OPCML: variants seen among roughly 807,000 people sequenced by gnomAD.
OPCML encodes the protein opioid binding protein/cell adhesion molecule like.
Under a neutral mutation model 37.8 loss-of-function variants are expected in OPCML, and 13 were observed. The ratio of observed to expected loss-of-function variants is 0.34; its 90% CI spans 0.22 to 0.55. The LOEUF (loss-of-function observed/expected upper bound fraction) is 0.55, where lower values mean the gene tolerates loss of function less well. OPCML is among the 20% of genes least tolerant of loss of function. The pLI is 0.91. For missense variants in OPCML, 341 were observed against 435.6 expected, an observed-to-expected ratio of 0.78 and a Z score of 1.93; for synonymous variants, 176 against 168.8, an observed-to-expected ratio of 1.04 and a Z score of -0.33.
Position 132,755,763 on chromosome 11 carries a change from C to A in OPCML, c.147-98444G>T, listed in dbSNP as rs533437377. Among the ~76,000 whole-genome samples the A allele has an allele frequency of 2.2e-4, 34 of 152,174 alleles. 1 individual carries two copies. Among genetic ancestry groups the A allele is most frequent in the Admixed American group, 2.2e-3 (34 of 15,272 alleles). ...ATGTCACCATTTTATAAGTCCTTTA[C>A]AGTCAAAATAAAGCCACAACCACCA... On this transcript the variant is annotated intron_variant, in intron 2 of 7. Coordinates refer to ENST00000524381, the MANE Select transcript of OPCML (RefSeq NM_001012393.5).
Position 133,094,585 on chromosome 11 carries a change from T to A in OPCML, c.62-151575A>T, listed in dbSNP as rs200158078. On this transcript the variant is annotated intron_variant, in intron 1 of 7. Coordinates refer to ENST00000524381, the MANE Select transcript of OPCML (RefSeq NM_001012393.5). The stretch of plus-strand genomic sequence containing the variant: ...AGCATTTTTTAGTTGTTTATCTTGT[T>A]AGTAGACTATATTCTGCAGCTTCTA... Among the ~76,000 whole-genome samples the A allele has an allele frequency of 9.8e-5, 15 of 152,340 alleles. No individual in the cohort carries two copies. In the East Asian group the frequency reaches 2.9e-3, roughly 29 times the overall value.
intron 3 of OPCML, among the ~76,000 whole-genome samples, chr11:132,645,906 A>G (rs1941125122): frequency 6.6e-6 from 1 of 152,256 alleles, no homozygotes; most frequent in South Asian, 2.1e-4. Context: ...TCTATTGGAC[A>G]GTACTGCTTT....
chr11:132,505,540 A>G (rs2096254864), intron 4 of OPCML, among the ~76,000 whole-genome samples: 1 of 152,242 alleles, frequency 6.6e-6, no homozygotes, highest in Non-Finnish European at 1.5e-5. Flanking sequence ...AGAATGACAT[A>G]GACCAGAGCC....
rs145113737 is a variant in OPCML, at chr11:133,166,903, C to T, written c.62-223893G>A. ...GATCACTGCCCTTGCATGGCTTGCA[C>T]GCTATCTAGAAGAAAAGTGTGTGAT... On this transcript the variant is annotated intron_variant, in intron 1 of 7. Coordinates refer to ENST00000524381, the MANE Select transcript of OPCML (RefSeq NM_001012393.5). Among the ~76,000 whole-genome samples the T allele has an allele frequency of 5.9e-3, 906 of 152,306 alleles. 7 individuals are homozygous for T. The highest frequency in any genetic ancestry group is 0.014 in the Middle Eastern group (4 of 294).
chr11:133,161,949 C>T (rs916703691), intron 1 of OPCML, among the ~76,000 whole-genome samples: 12 of 146,996 alleles, frequency 8.2e-5, no homozygotes, highest in African/African-American at 3.0e-4. Context: ...TCAGGGATAA[C>T]CACAACAAGT....
chr11:132,986,166 C>T (rs369010353), intron 1 of OPCML, among the ~76,000 whole-genome samples: 3 of 152,130 alleles, frequency 2.0e-5, no homozygotes, highest in African/African-American at 7.2e-5. Flanking sequence ...AACCTCCAGT[C>T]TTCCCATAGC....
chr11:132,940,417 C>T (rs186453662), intron 2 of OPCML, among the ~76,000 whole-genome samples: 21 of 152,284 alleles, frequency 1.4e-4, no homozygotes, highest in Admixed American at 5.9e-4. Flanking sequence ...ACATGTGATG[C>T]GCTTGGAACA....
intron 1 of OPCML, among the ~76,000 whole-genome samples, chr11:133,495,733 C>T (rs1415473691): frequency 6.6e-6 from 1 of 151,650 alleles, no homozygotes; most frequent in Non-Finnish European, 1.5e-5. Flanking sequence ...TATCCTTAAC[C>T]CACCTTTTGA....
chr11:133,464,565 T>C (rs371987175), intron 1 of OPCML, among the ~76,000 whole-genome samples: 2 of 151,950 alleles, frequency 1.3e-5, no homozygotes, highest in Non-Finnish European at 2.9e-5. Flanking sequence ...TCTTTGGAAA[T>C]GGAGGAGGAA....
Position 133,483,309 on chromosome 11 carries a change from G to GATA in OPCML, c.61+48954_61+48955insTAT, listed in dbSNP as rs530820391. On this transcript the variant is annotated intron_variant, in intron 1 of 7. Coordinates refer to ENST00000524381, the MANE Select transcript of OPCML (RefSeq NM_001012393.5). ...AAATGCGCACTAGAGCTGATAGATA[G>GATA]GCAGATAGATAGATAGATAGATAGA... Among the ~76,000 whole-genome samples the GATA allele has an allele frequency of 2.4e-3, 353 of 145,514 alleles. 2 individuals carry two copies. The highest frequency in any genetic ancestry group is 7.6e-3 in the African/African-American group (283 of 37,008).
At chr11:133,287,822 G>A (rs1942347867) in intron 1 of OPCML, among the ~76,000 whole-genome samples, 2 of 152,196 alleles carry the variant, frequency 1.3e-5, no homozygotes, top group South Asian at 2.1e-4. Context: ...AACTGGAGAA[G>A]GAGGAAACTG....
At chr11:133,348,182 T>C (rs1367967104) in intron 1 of OPCML, among the ~76,000 whole-genome samples, 2 of 152,228 alleles carry the variant, frequency 1.3e-5, no homozygotes, top group East Asian at 3.8e-4. Context: ...GTGTGCTCAA[T>C]GACCATTCAC....
intron 1 of OPCML, among the ~76,000 whole-genome samples, chr11:133,458,357 TATATATATACACATATATACAC>T (rs1194514665): frequency 2.2e-4 from 2 of 9,072 alleles, no homozygotes; most frequent in Non-Finnish European, 3.2e-4. Context: ...CACGTGTGTG[TATATATATACACATATATACAC>T]GTGTGTGTAT....
At chr11:132,944,040 C>T (rs950148638) in intron 1 of OPCML, among the ~76,000 whole-genome samples, 2 of 151,834 alleles carry the variant, frequency 1.3e-5, no homozygotes, top group Non-Finnish European at 2.9e-5. Flanking sequence ...TCCCGACGGG[C>T]GGGCGCCCAC....
At chr11:132,956,236 A>C (rs1248734641) in intron 1 of OPCML, among the ~76,000 whole-genome samples, 2 of 152,182 alleles carry the variant, frequency 1.3e-5, no homozygotes, top group Non-Finnish European at 2.9e-5. Context: ...ACATGGCAAG[A>C]AGTTAATCAC....
At chr11:132,738,747 T>C (rs1441605471) in intron 2 of OPCML, among the ~76,000 whole-genome samples, 1 of 152,218 alleles carries the variant, frequency 6.6e-6, no homozygotes, top group Non-Finnish European at 1.5e-5. Flanking sequence ...AGTTGTTTGT[T>C]TTAAGTCTCT....
chr11:132,847,295 C>T lies in OPCML; in HGVS notation c.146+95631G>A, dbSNP rs757905915. On this transcript the variant is annotated intron_variant, in intron 2 of 7. Transcript: ENST00000524381. The stretch of plus-strand genomic sequence containing the variant: ...ATTTTCTTTCTTTTTTGTTGACATG[C>T]TTTTTTTTCTAGATAGATGTATATC... Among the ~76,000 whole-genome samples, 189 of 152,014 alleles carry T rather than the reference C, an allele frequency of 1.2e-3. 6 individuals carry two copies. The highest frequency in any genetic ancestry group is 6.8e-3 in the Middle Eastern group (2 of 294).
chr11:132,650,464 A>G (rs1018914691), intron 3 of OPCML, among the ~76,000 whole-genome samples: 1 of 152,178 alleles, frequency 6.6e-6, no homozygotes, highest in Admixed American at 6.5e-5. Context: ...AGTCAAGGAC[A>G]TGACGCCCAG....
chr11:133,391,323 G>A (rs1945169952), intron 1 of OPCML, among the ~76,000 whole-genome samples: 1 of 152,080 alleles, frequency 6.6e-6, no homozygotes, highest in South Asian at 2.1e-4. Flanking sequence ...CTGTCCCTTT[G>A]GGGACTCCTG....
Sources: gnomAD v4.1 joint callset for allele counts (sites outside exome capture counted in the v4.1 genomes callset) on GRCh38, gnomAD v4.1.1 for gene constraint, MANE v1.5 for transcripts, NCBI Gene and HGNC (gene_info 2026-07-23, HGNC 2026-07-21) for gene names.